Variants in EFNA5 observed in about 807,000 individuals in gnomAD.
EFNA5 encodes the protein ephrin A5.
EFNA5 carries 5 observed loss-of-function variants against 22.9 expected under a neutral mutation model. The observed-to-expected ratio is 0.22, with a 90% CI of 0.11 to 0.46. EFNA5 has a LOEUF of 0.46. EFNA5 is among the 20% of genes least tolerant of loss of function. The pLI, the probability that EFNA5 is intolerant of heterozygous loss-of-function variation, is 0.99. For missense variants in EFNA5, 237 were observed against 293.3 expected (o/e 0.81, Z 1.40); for synonymous variants, 113 against 112.2 (o/e 1.01, Z -0.04).
intron 2 of EFNA5, among the ~76,000 whole-genome samples, chr5:107,425,476 T>A (rs1561380577): frequency 6.6e-6 from 1 of 152,222 alleles, no homozygotes; most frequent in Non-Finnish European, 1.5e-5. Flanking sequence ...TCCTCTTTCC[T>A]TTTTCTCATA....
intron 1 of EFNA5, among the ~76,000 whole-genome samples, chr5:107,457,470 T>C (rs978864666): frequency 6.6e-6 from 1 of 152,194 alleles, no homozygotes; most frequent in South Asian, 2.1e-4. Context: ...CATCTCTAGA[T>C]TTCTTATGAT....
In EFNA5 at chr5:107,508,697, C is replaced by A. The variant is rs911735860; in HGVS notation, c.126-81188G>T. On this transcript the variant is annotated intron_variant, in intron 1 of 4. Transcript: ENST00000333274. ...AACTAAGTGTAAGTCAAGCTTGAAC[C>A]ATCACTATTTTCAGAGTATACTAAA... Among the ~76,000 whole-genome samples, 90 of 152,208 alleles carry A rather than the reference C, an allele frequency of 5.9e-4. 1 individual carries two copies. Among genetic ancestry groups the A allele is most frequent in the African/African-American group, 2.1e-3 (87 of 41,524 alleles).
chr5:107,445,744 G>T (rs1749372088), intron 1 of EFNA5, among the ~76,000 whole-genome samples: 2 of 152,120 alleles, frequency 1.3e-5, no homozygotes, highest in Admixed American at 6.5e-5. Flanking sequence ...TGAACCACTT[G>T]GGAGGTGTCA....
intron 2 of EFNA5, among the ~76,000 whole-genome samples, chr5:107,424,018 T>C (rs145181316): frequency 1.0e-3 from 156 of 152,268 alleles, no homozygotes; most frequent in African/African-American, 3.7e-3. Context: ...ATCTTCTGAC[T>C]CATGTCCTCT....
At chr5:107,663,177 G>A (rs1488299218) in intron 1 of EFNA5, among the ~76,000 whole-genome samples, 3 of 151,794 alleles carry the variant, frequency 2.0e-5, no homozygotes, top group Non-Finnish European at 4.4e-5. Flanking sequence ...CCAATTTCAC[G>A]AAAGAAATAA....
intron 2 of EFNA5, among the ~76,000 whole-genome samples, chr5:107,393,487 C>G (rs1747837328): frequency 6.6e-6 from 1 of 152,230 alleles, no homozygotes; most frequent in African/African-American, 2.4e-5. Flanking sequence ...AAGCCAAAAT[C>G]CTCCTTTTCT....
intron 1 of EFNA5, among the ~76,000 whole-genome samples, chr5:107,619,511 G>A (rs953691980): frequency 6.6e-6 from 1 of 150,690 alleles, no homozygotes; most frequent in Non-Finnish European, 1.5e-5. Context: ...TGCCCAGGCT[G>A]GAGTGCAGTG....
chr5:107,579,309 C>T (rs1246705206), intron 1 of EFNA5, among the ~76,000 whole-genome samples: 3 of 152,210 alleles, frequency 2.0e-5, no homozygotes, highest in Admixed American at 2.0e-4. Flanking sequence ...CTTTCCAGAG[C>T]TAAGAGAATG....
At chr5:107,609,511 C>A (rs1230691036) in intron 1 of EFNA5, among the ~76,000 whole-genome samples, 1 of 152,078 alleles carries the variant, frequency 6.6e-6, no homozygotes, top group Non-Finnish European at 1.5e-5. Context: ...AATTCCTAAG[C>A]AGAAGAGGTC....
At chr5:107,534,151 G>C (rs1172714810) in intron 1 of EFNA5, among the ~76,000 whole-genome samples, 1 of 152,230 alleles carries the variant, frequency 6.6e-6, no homozygotes, top group Non-Finnish European at 1.5e-5. Flanking sequence ...ACTGTCTGCA[G>C]AGATAAGGTT....
In EFNA5 at chr5:107,557,328, C is replaced by T. The variant is rs368433355; in HGVS notation, c.125+113161G>A. ...TCCTAGCTTGAGTTTCAGCCAGGTA[C>T]GTGGGAGGTGCTTAGCAAACATTTG... On this transcript the variant is annotated intron_variant, in intron 1 of 4. Coordinates refer to ENST00000333274, the MANE Select transcript of EFNA5 (RefSeq NM_001962.3). 3.7e-5 allele frequency among the ~76,000 whole-genome samples: 5 copies of T among 135,582 alleles called. 1 individual carries two copies. The highest frequency in any genetic ancestry group is 2.5e-4 in the South Asian group (1 of 4,026). The allele number at this position is 135,582 out of a possible 152,430, so 88.9% of individuals were successfully genotyped here. A position where few individuals can be genotyped will look rare whatever the true frequency, so the allele number is the denominator to read the frequency against.
At chr5:107,461,675 A>G (rs989891974) in intron 1 of EFNA5, among the ~76,000 whole-genome samples, 4 of 152,110 alleles carry the variant, frequency 2.6e-5, no homozygotes, top group African/African-American at 9.7e-5. Flanking sequence ...ATAGCAAAAG[A>G]TCCTGTTATT....
At chr5:107,480,760 A>C (rs1750436911) in intron 1 of EFNA5, among the ~76,000 whole-genome samples, 1 of 152,216 alleles carries the variant, frequency 6.6e-6, no homozygotes, top group African/African-American at 2.4e-5. Context: ...GCGGTCCCAG[A>C]AAGACAAAAT....
intron 1 of EFNA5, among the ~76,000 whole-genome samples, chr5:107,505,013 T>A (rs1023283872): frequency 6.6e-6 from 1 of 152,206 alleles, no homozygotes; most frequent in Non-Finnish European, 1.5e-5. Context: ...TCCGTATCTT[T>A]AATGCAATTT....
intron 1 of EFNA5, among the ~76,000 whole-genome samples, chr5:107,543,430 G>C (rs1748086420): frequency 6.6e-6 from 1 of 152,126 alleles, no homozygotes; most frequent in African/African-American, 2.4e-5. Context: ...CTCATGGCTG[G>C]ATGGAAATGA....
intron 1 of EFNA5, among the ~76,000 whole-genome samples, chr5:107,534,112 A>C (rs1030237534): frequency 6.6e-6 from 1 of 152,214 alleles, no homozygotes; most frequent in Non-Finnish European, 1.5e-5. Flanking sequence ...TCTGAGCTTG[A>C]ATTCTGATCT....
chr5:107,581,839 A>G (rs1315038122), intron 1 of EFNA5, among the ~76,000 whole-genome samples: 1 of 152,204 alleles, frequency 6.6e-6, no homozygotes, highest in Non-Finnish European at 1.5e-5. Flanking sequence ...CAAAACTCCT[A>G]TATCATTTTA....
intron 1 of EFNA5, among the ~76,000 whole-genome samples, chr5:107,612,126 C>G (rs530313606): frequency 1.9e-4 from 29 of 152,198 alleles, no homozygotes; most frequent in South Asian, 1.0e-3. Flanking sequence ...TCAAATAGCA[C>G]CATTCAATAG....
At chr5:107,610,901 C>G (rs1749810230) in intron 1 of EFNA5, among the ~76,000 whole-genome samples, 2 of 152,136 alleles carry the variant, frequency 1.3e-5, no homozygotes, top group East Asian at 1.9e-4. Flanking sequence ...TCTAGCAACG[C>G]AGGTTTCGAT....
Sources: allele counts gnomAD v4.1 joint callset (sites outside exome capture counted in the v4.1 genomes callset), GRCh38; gene constraint gnomAD v4.1.1; transcripts MANE v1.5; gene names NCBI Gene and HGNC (gene_info 2026-07-23, HGNC 2026-07-21).